Variants in PRKN observed in about 807,000 individuals in gnomAD.
PRKN encodes the protein E3 ubiquitin-protein ligase parkin.
A neutral mutation model predicts 59.5 loss-of-function variants in PRKN; 56 were observed. The observed-to-expected ratio is 0.94, with a 90% CI of 0.76 to 1.18. PRKN has a LOEUF of 1.18. PRKN is among the 50% of genes most tolerant of loss of function. The pLI is 0.00. For synonymous variants in PRKN, 250 were observed against 222.1 expected (o/e 1.13, Z -1.12); for missense variants, 657 against 596.4 (o/e 1.10, Z -1.06).
intron 2 of PRKN, among the ~76,000 whole-genome samples, chr6:162,410,238 G>C (rs919419634): frequency 2.6e-5 from 4 of 151,698 alleles, no homozygotes; most frequent in African/African-American, 9.7e-5. Flanking sequence ...CAATTGGTTT[G>C]AGGACTGCTC....
intron 7 of PRKN, among the ~76,000 whole-genome samples, chr6:161,708,515 T>C (rs1786606418): frequency 6.6e-6 from 1 of 150,412 alleles, no homozygotes; most frequent in African/African-American, 2.4e-5. Context: ...ATTCTGTGTA[T>C]GGGGGGGAGG....
intron 2 of PRKN, among the ~76,000 whole-genome samples, chr6:162,362,442 G>C (rs1344657603): frequency 6.6e-6 from 1 of 152,106 alleles, no homozygotes; most frequent in East Asian, 1.9e-4. Context: ...TTGGGGGTGG[G>C]AGGTGGCGGA....
At position 161,352,257 on chromosome 6, in the gene PRKN, T is replaced by C. The variant is rs1424348572; in HGVS notation, c.1286-2046A>G. ...ACCTGGCATGAGAACTTTCACTAAT[T>C]TAAAATATTTATGAATATATAGGAA... On this transcript the variant is annotated intron_variant, in intron 11 of 11. Coordinates refer to ENST00000366898, the MANE Select transcript of PRKN (RefSeq NM_004562.3). This position sits in a 1 kb window ranked among gnomAD's most constrained non-coding sequence, Gnocchi z 5.8. Among the ~76,000 whole-genome samples the C allele has an allele frequency of 6.6e-6, 1 of 152,208 alleles. No homozygotes were observed. The highest frequency in any genetic ancestry group is 6.5e-5 in the Admixed American group (1 of 15,276).
At chr6:162,223,546 A>C (rs549884466) in intron 3 of PRKN, among the ~76,000 whole-genome samples, 2 of 151,642 alleles carry the variant, frequency 1.3e-5, no homozygotes, top group Admixed American at 6.6e-5. Flanking sequence ...AAATTAAATC[A>C]ATGCTTGATT....
At chr6:161,791,494 C>A (rs529366020) in intron 6 of PRKN, among the ~76,000 whole-genome samples, 1 of 152,226 alleles carries the variant, frequency 6.6e-6, no homozygotes, top group African/African-American at 2.4e-5. Flanking sequence ...CTCCTTCACA[C>A]ACTCTCTGGC....
At chr6:162,579,628 C>T (rs1583843612) in intron 1 of PRKN, among the ~76,000 whole-genome samples, 1 of 149,372 alleles carries the variant, frequency 6.7e-6, no homozygotes. Context: ...CACACATACA[C>T]ACAAATTCAC....
rs139071708 is a variant in PRKN at position 161,897,327 on chromosome 6, C to G, written c.734+75975G>C. Among the ~76,000 whole-genome samples, 275 of 152,304 alleles carry G rather than the reference C, an allele frequency of 1.8e-3. 1 individual carries two copies. The highest frequency in any genetic ancestry group is 6.0e-3 in the African/African-American group (249 of 41,564). On this transcript the variant is annotated intron_variant, in intron 6 of 11. Transcript: ENST00000366898. The stretch of plus-strand genomic sequence containing the variant: ...TTTCATGCTTCTTCTCTCCTATCAT[C>G]CCTCTCATTCAACTTCTCTTCTTTT...
rs769477007 is a variant in PRKN, at chr6:162,262,682, G to C, written c.255C>G (p.Gly85=). 1.2e-6 allele frequency: 2 copies of C among 1,612,124 alleles called. No individual in the cohort carries two copies. Among genetic ancestry groups the C allele is most frequent in the Admixed American group, 1.7e-5 (1 of 59,722 alleles). The part of the protein sequence containing the change: ...RKGQEMNATG[G]DDPRNAAGGC... ...CTCCCGCCGCGTTTCTGGGGTCGTC[G>C]CCTCCAGTTGCATTCATTTCTTGAC... Residue 85 remains glycine (G), a synonymous_variant, in exon 3 of 12, where the codon GGC becomes GGG. Coordinates refer to ENST00000366898, the MANE Select transcript of PRKN (RefSeq NM_004562.3).
chr6:162,359,815 T>C (rs902081164), intron 2 of PRKN, among the ~76,000 whole-genome samples: 2 of 152,168 alleles, frequency 1.3e-5, no homozygotes, highest in South Asian at 4.1e-4. Context: ...GATACATGTT[T>C]AGTTAAGGGT....
intron 2 of PRKN, among the ~76,000 whole-genome samples, chr6:162,301,082 T>C (rs1198123179): frequency 6.6e-6 from 1 of 151,962 alleles, no homozygotes; most frequent in Non-Finnish European, 1.5e-5. Flanking sequence ...ATAGAAGAAA[T>C]CGTTTAATTG....
chr6:162,645,938 G>A (rs1270538416), intron 1 of PRKN, among the ~76,000 whole-genome samples: 1 of 137,556 alleles, frequency 7.3e-6, no homozygotes, highest in African/African-American at 2.7e-5. Flanking sequence ...GCAGTGGCAA[G>A]ATCTCAGCTC....
chr6:162,063,776 C>T (rs1002858193), intron 4 of PRKN, among the ~76,000 whole-genome samples: 1 of 152,220 alleles, frequency 6.6e-6, no homozygotes, highest in Non-Finnish European at 1.5e-5. Context: ...AACTCCTGAC[C>T]TCAAAAGATC....
In PRKN at chr6:161,459,499, T is replaced by C. The variant is rs574754428; in HGVS notation, c.1084-72622A>G. Among the ~76,000 whole-genome samples, 1 of 152,124 alleles carries C rather than the reference T, an allele frequency of 6.6e-6. No individual in the cohort carries two copies. The highest frequency in any genetic ancestry group is 1.5e-5 in the Non-Finnish European group (1 of 68,026). ...TGCAGGGACCTGGTTCTGAGCAAAGTAGTGGGAAGGATGGAATTCCCTGAA... is the reference window on the plus strand; with the variant it reads ...TGCAGGGACCTGGTTCTGAGCAAAGCAGTGGGAAGGATGGAATTCCCTGAA... On this transcript the variant is annotated intron_variant, in intron 9 of 11. Transcript: ENST00000366898. This position sits in a 1 kb window ranked among gnomAD's most constrained non-coding sequence, Gnocchi z 4.8.
At chr6:162,537,954 T>G (rs531031026) in intron 1 of PRKN, among the ~76,000 whole-genome samples, 2 of 152,336 alleles carry the variant, frequency 1.3e-5, no homozygotes, top group Admixed American at 1.3e-4. Flanking sequence ...CTTCTTAAAC[T>G]ACATTACCCC....
intron 7 of PRKN, among the ~76,000 whole-genome samples, chr6:161,654,311 G>A (rs73782962): frequency 0.034 from 5,117 of 152,142 alleles, 145 homozygotes; most frequent in African/African-American, 0.085. Flanking sequence ...ATGCTTACCC[G>A]TGTGGCTACT....
rs1321469940 is a variant in PRKN, at chr6:161,546,614, A to G, written c.1083+2240T>C. Reference sequence around the variant, plus strand: ...CTCTGTTCTTTTTTCAGCTTCTTCAAATTGCAAACTGTGGTGGTTTAAAAT... The same window carrying G: ...CTCTGTTCTTTTTTCAGCTTCTTCAGATTGCAAACTGTGGTGGTTTAAAAT... On this transcript the variant is annotated intron_variant, in intron 9 of 11. Coordinates refer to ENST00000366898, the MANE Select transcript of PRKN (RefSeq NM_004562.3). The surrounding 1 kb of genome is among the most constrained non-coding windows in gnomAD (Gnocchi z 4.4). Among the ~76,000 whole-genome samples, 1 of 152,098 alleles carries G rather than the reference A, an allele frequency of 6.6e-6. No individual in the cohort carries two copies.
intron 2 of PRKN, among the ~76,000 whole-genome samples, chr6:162,407,521 C>G (rs1224680712): frequency 6.6e-6 from 1 of 152,164 alleles, no homozygotes; most frequent in Non-Finnish European, 1.5e-5. Context: ...ATCAAACAAC[C>G]AGTAGGCCCC....
chr6:161,552,703 C>T lies in PRKN; in HGVS notation c.934-3700G>A, dbSNP rs1018901074. Among the ~76,000 whole-genome samples the T allele has an allele frequency of 6.6e-6, 1 of 152,084 alleles. No individual in the cohort carries two copies. Among genetic ancestry groups the T allele is most frequent in the Non-Finnish European group, 1.5e-5 (1 of 68,002 alleles). ...ACCCAGGCCAAGACACAGAACTTTACCAGGTCCGCCTGAAGCCCTCCATGT... is the reference window on the plus strand; with the variant it reads ...ACCCAGGCCAAGACACAGAACTTTATCAGGTCCGCCTGAAGCCCTCCATGT... On this transcript the variant is annotated intron_variant, in intron 8 of 11. Coordinates refer to ENST00000366898, the MANE Select transcript of PRKN (RefSeq NM_004562.3). This position sits in a 1 kb window ranked among gnomAD's most constrained non-coding sequence, Gnocchi z 4.9.
At chr6:161,477,048 T>A (rs1186067629) in intron 9 of PRKN, among the ~76,000 whole-genome samples, 1 of 152,204 alleles carries the variant, frequency 6.6e-6, no homozygotes, top group Non-Finnish European at 1.5e-5. Flanking sequence ...GAGTGAGGTA[T>A]CCTGAGGAAA....
Sources: allele counts gnomAD v4.1 joint callset (sites outside exome capture counted in the v4.1 genomes callset), GRCh38; gene constraint gnomAD v4.1.1; non-coding constraint Gnocchi (gnomAD v3.1); transcripts MANE v1.5; gene names NCBI Gene and HGNC (gene_info 2026-07-23, HGNC 2026-07-21).